ABCA12: variants seen among roughly 807,000 people sequenced by gnomAD.
ABCA12 encodes the protein glucosylceramide transporter ABCA12.
A neutral mutation model predicts 293.5 loss-of-function variants in ABCA12; 156 were observed. That is an observed-to-expected ratio of 0.53 (90% CI 0.47 to 0.61). The LOEUF (loss-of-function observed/expected upper bound fraction) is 0.61, where lower values mean the gene tolerates loss of function less well. ABCA12 is among the 20% of genes least tolerant of loss of function. The pLI is 0.00. For synonymous variants in ABCA12, 1,063 were observed against 1,108.0 expected (o/e 0.96, Z 0.81); for missense variants, 2,797 against 3,090.2 (o/e 0.91, Z 2.25).
At chr2:215,026,056 T>C (rs1188023187) in intron 10 of ABCA12, among the ~76,000 whole-genome samples, 2 of 152,230 alleles carry the variant, frequency 1.3e-5, no homozygotes, top group African/African-American at 4.8e-5. Context: ...CTTTCATTCC[T>C]GACTTTTGGA....
At chr2:215,114,858 G>T (rs1702653496) in intron 1 of ABCA12, among the ~76,000 whole-genome samples, 1 of 152,132 alleles carries the variant, frequency 6.6e-6, no homozygotes, top group South Asian at 2.1e-4. Flanking sequence ...CATCTGAGTA[G>T]ACTTAATGCC....
chr2:214,956,996 C>A (rs913583475), intron 41 of ABCA12, among the ~76,000 whole-genome samples: 1 of 152,206 alleles, frequency 6.6e-6, no homozygotes, highest in Admixed American at 6.5e-5. Flanking sequence ...AAGCCAATCT[C>A]CATCTTTAAC....
intron 40 of ABCA12, 63 bp downstream of exon 40, chr2:214,958,961 C>A: frequency 6.9e-7 from 1 of 1,451,014 alleles, no homozygotes; most frequent in South Asian, 1.1e-5. Context: ...CCAATTACAG[C>A]ACTTTATACA....
intron 1 of ABCA12, among the ~76,000 whole-genome samples, chr2:215,134,539 CATATATACGTATATGT>C (rs1559214183): frequency 5.1e-5 from 6 of 118,584 alleles, no homozygotes; most frequent in African/African-American, 1.8e-4. Context: ...TATATATGTA[CATATATACGTATATGT>C]ATATATGTGT....
In ABCA12 at chr2:215,122,693, A is replaced by C. The variant is rs1702833088; in HGVS notation, c.70-11003T>G. ...AGTTACCACAGAAAATAAACAACTAAAGTTAATTTCCCTTCTTTAGGTCAG... is the reference window on the plus strand; with the variant it reads ...AGTTACCACAGAAAATAAACAACTACAGTTAATTTCCCTTCTTTAGGTCAG... On this transcript the variant is annotated intron_variant, in intron 1 of 52. Transcript: ENST00000272895. 2.0e-5 allele frequency among the ~76,000 whole-genome samples: 3 copies of C among 152,338 alleles called. 1 individual carries two copies. Among genetic ancestry groups the C allele is most frequent in the African/African-American group, 7.2e-5 (3 of 41,588 alleles).
At chr2:215,048,782 AG>A (rs1418793300) in intron 6 of ABCA12, among the ~76,000 whole-genome samples, 4 of 152,224 alleles carry the variant, frequency 2.6e-5, no homozygotes, top group Non-Finnish European at 5.9e-5. Flanking sequence ...GATTGGATGA[AG>A]AAAATGTGGT....
intron 23 of ABCA12, among the ~76,000 whole-genome samples, chr2:214,992,477 AC>A (rs1699935937): frequency 6.9e-6 from 1 of 144,540 alleles, no homozygotes; most frequent in Non-Finnish European, 1.5e-5. Flanking sequence ...AAAAAAAAAA[AC>A]AATTCATGAT....
At chr2:215,015,462 T>A in intron 15 of ABCA12, 28 bp downstream of exon 15, 2 of 1,590,456 alleles carry the variant, frequency 1.3e-6, no homozygotes, top group Non-Finnish European at 8.6e-7. Context: ...ACCATGAATA[T>A]AAACATATTT....
At chr2:214,998,678 A>G (rs1700083319) in intron 22 of ABCA12, among the ~76,000 whole-genome samples, 1 of 152,202 alleles carries the variant, frequency 6.6e-6, no homozygotes, top group African/African-American at 2.4e-5. Flanking sequence ...AGAGATTACT[A>G]AAACACAAGT....
chr2:214,980,786 G>A (rs1483418343), intron 30 of ABCA12, 143 bp from the exon 31 acceptor site: 2 of 1,095,770 alleles, frequency 1.8e-6, no homozygotes, highest in African/African-American at 1.5e-5. Context: ...TGACCTCAAA[G>A]AGCTTCCAAA....
chr2:215,103,435 A>AT (rs1378432170), intron 2 of ABCA12, among the ~76,000 whole-genome samples: 1 of 151,596 alleles, frequency 6.6e-6, no homozygotes, highest in African/African-American at 2.4e-5. Context: ...GGCCCAGCTA[A>AT]TTTTTTGTAT....
chr2:214,945,639 G>A (rs762048371), intron 48 of ABCA12, among the ~76,000 whole-genome samples: 2 of 152,140 alleles, frequency 1.3e-5, no homozygotes, highest in Non-Finnish European at 2.9e-5. Context: ...AAAGATGTAC[G>A]TTATTTTTCA....
intron 1 of ABCA12, among the ~76,000 whole-genome samples, chr2:215,129,824 T>A (rs1703014050): frequency 6.6e-6 from 1 of 152,154 alleles, no homozygotes; most frequent in South Asian, 2.1e-4. Context: ...TCCAGAAAAG[T>A]TTTTCCAGGC....
rs748402637 is a variant in ABCA12, at chr2:215,018,021, T to G, written c.1769A>C (p.Asp590Ala). The G allele has an allele frequency of 8.1e-6, 13 of 1,614,016 alleles. No individual in the cohort carries two copies. In the East Asian group the frequency reaches 2.9e-4, roughly 36 times the overall value. ...IDKLLAIPIP[D>A]NRAEIISQVF... Reference sequence around the variant, plus strand: ...ATGACACCCCACCTCAGCTCTATTATCAGGGATGGGAATGGCCAGCAACTT... The same window carrying G: ...ATGACACCCCACCTCAGCTCTATTAGCAGGGATGGGAATGGCCAGCAACTT... Residue 590 changes from aspartate (D) to alanine (A), a missense_variant, in exon 14 of 53, where the codon GAT becomes GCT. By Grantham distance (126) the Asp-to-Ala change is moderately radical. Transcript: ENST00000272895.
chr2:215,084,848 C>G (rs1299022599), intron 2 of ABCA12, among the ~76,000 whole-genome samples: 1 of 152,122 alleles, frequency 6.6e-6, no homozygotes, highest in Non-Finnish European at 1.5e-5. Flanking sequence ...AATCCCAGCA[C>G]TTTTGGAGGC....
Position 214,942,935 on chromosome 2 carries a change from T to C in ABCA12, c.7426A>G (p.Ile2476Val). The C allele has an allele frequency of 6.2e-7, 1 of 1,613,226 alleles. No homozygotes were observed. The highest frequency in any genetic ancestry group is 8.5e-7 in the Non-Finnish European group (1 of 1,179,588). ...KFQCIGSLQH[I>V]KSRFGRGFTV... ...GCATTTGTTCTTCACCTGCTCTTTA[T>C]GTGCTGCAAAGATCCAATACATTGA... Residue 2476 changes from isoleucine to valine, a missense_variant, in exon 50 of 53, where the codon ATA becomes GTA. Transcript: ENST00000272895.
At chr2:215,060,071 T>TCCATATTCCTCAGGC (rs1156537091) in intron 3 of ABCA12, among the ~76,000 whole-genome samples, 8 of 152,178 alleles carry the variant, frequency 5.3e-5, no homozygotes, top group Non-Finnish European at 1.0e-4. Context: ...TCCAGTAAGA[T>TCCATATTCCTCAGGC]CCATATTCCT....
At chr2:215,100,561 G>T (rs1702337310) in intron 2 of ABCA12, among the ~76,000 whole-genome samples, 1 of 1,416 alleles carries the variant, frequency 7.1e-4, no homozygotes, top group Admixed American at 8.9e-3. Flanking sequence ...CCCATTATGT[G>T]CAAAGTACTG....
At chr2:214,940,341 T>A (rs550827681) in intron 50 of ABCA12, among the ~76,000 whole-genome samples, 25 of 152,204 alleles carry the variant, frequency 1.6e-4, no homozygotes, top group Non-Finnish European at 3.2e-4. Context: ...ATAAGCTTTT[T>A]GATATGCAGC....
Sources: allele counts gnomAD v4.1 joint callset (sites outside exome capture counted in the v4.1 genomes callset), GRCh38; gene constraint gnomAD v4.1.1; transcripts MANE v1.5; gene names NCBI Gene and HGNC (gene_info 2026-07-23, HGNC 2026-07-21).